Variants in PDE4D observed in about 807,000 individuals in gnomAD.
PDE4D encodes the protein phosphodiesterase 4D, also known as 3',5'-cyclic-AMP phosphodiesterase 4D.
A neutral mutation model predicts 87.4 loss-of-function variants in PDE4D; 24 were observed. The ratio of observed to expected loss-of-function variants is 0.27; its 90% CI spans 0.20 to 0.39. The LOEUF is 0.39. Ranked by LOEUF, PDE4D falls within the 10% of genes least tolerant of loss-of-function variation. The probability of loss-of-function intolerance (pLI) is 1.00; values close to 1 mark genes in which losing one functional copy is unlikely to be tolerated. For synonymous variants in PDE4D, 384 were observed against 383.2 expected (o/e 1.00, Z -0.02); for missense variants, 714 against 1,041.0 (o/e 0.69, Z 4.32).
At chr5:60,363,561 C>G (rs952579037) in intron 1 of PDE4D, among the ~76,000 whole-genome samples, 1 of 152,164 alleles carries the variant, frequency 6.6e-6, no homozygotes, top group Admixed American at 6.5e-5. Context: ...GTACTGCTTT[C>G]ACAAGGCTTA....
At chr5:60,516,286 T>A (rs1750799985) in intron 1 of PDE4D, among the ~76,000 whole-genome samples, 1 of 152,278 alleles carries the variant, frequency 6.6e-6, no homozygotes, top group Non-Finnish European at 1.5e-5. Context: ...GTTTGAGAAC[T>A]ACTGGGCTTT....
chr5:59,244,620 G>T (rs1194115314), intron 1 of PDE4D, among the ~76,000 whole-genome samples: 2 of 144,362 alleles, frequency 1.4e-5, no homozygotes, highest in African/African-American at 5.2e-5. Context: ...ACACATACAT[G>T]TATGTACATT....
chr5:59,525,510 G>A (rs995700299), intron 1 of PDE4D, among the ~76,000 whole-genome samples: 5 of 152,140 alleles, frequency 3.3e-5, no homozygotes, highest in Non-Finnish European at 4.4e-5. Flanking sequence ...TGTCTCAGTC[G>A]AGACTTTGGA....
intron 1 of PDE4D, among the ~76,000 whole-genome samples, chr5:60,436,196 C>T (rs2150124515): frequency 6.6e-6 from 1 of 152,112 alleles, no homozygotes; most frequent in South Asian, 2.1e-4. Context: ...GGAATGACAA[C>T]AATCATCCAT....
intron 1 of PDE4D, among the ~76,000 whole-genome samples, chr5:60,273,587 T>A (rs1751040502): frequency 6.6e-6 from 1 of 152,116 alleles, no homozygotes; most frequent in Non-Finnish European, 1.5e-5. Flanking sequence ...GTTAGGACAC[T>A]GTAGCAGCAA....
At chr5:60,104,396 G>A (rs1483848657) in intron 2 of PDE4D, among the ~76,000 whole-genome samples, 1 of 152,202 alleles carries the variant, frequency 6.6e-6, no homozygotes, top group Non-Finnish European at 1.5e-5. Flanking sequence ...GCTCAAGGAG[G>A]CCTGCCTGCC....
In PDE4D at chr5:59,522,305, T is replaced by A. The variant is rs373766168; in HGVS notation, c.456-306337A>T. Among the ~76,000 whole-genome samples, 43 of 152,356 alleles carry A rather than the reference T, an allele frequency of 2.8e-4. 1 individual carries two copies. The East Asian group carries it at 5.8e-3, about 20-fold the overall frequency. On this transcript the variant is annotated intron_variant, in intron 1 of 14. Transcript: ENST00000340635. ...TTGGAGAGGAATTTTAAAACAAGTC[T>A]TATGAATCATGGTAAATACCCTTAC...
At position 59,357,188 on chromosome 5, in the gene PDE4D, A is replaced by AAC. The variant is rs753176024; in HGVS notation, c.456-141222_456-141221dup. 6.8e-4 allele frequency among the ~76,000 whole-genome samples: 103 copies of AAC among 152,178 alleles called. 2 individuals carry two copies. Among genetic ancestry groups the AAC allele is most frequent in the Non-Finnish European group, 6.2e-4 (42 of 67,988 alleles). ...GTCACATGCCACTCCTGAAAAGCACAACACACACACACGCATGCACACACA... is the reference window on the plus strand; with the variant it reads ...GTCACATGCCACTCCTGAAAAGCACAACACACACACACACGCATGCACACACA... On this transcript the variant is annotated intron_variant, in intron 1 of 14. Coordinates refer to ENST00000340635, the MANE Select transcript of PDE4D (RefSeq NM_001104631.2).
chr5:59,370,474 A>G (rs1783772020), intron 1 of PDE4D, among the ~76,000 whole-genome samples: 1 of 152,190 alleles, frequency 6.6e-6, no homozygotes, highest in African/African-American at 2.4e-5. Context: ...TTCCTTTGGA[A>G]AAATGCATAA....
chr5:60,376,812 C>A (rs148271431), intron 1 of PDE4D, among the ~76,000 whole-genome samples: 1 of 152,214 alleles, frequency 6.6e-6, no homozygotes, highest in Non-Finnish European at 1.5e-5. Context: ...TGGAAACTTT[C>A]TCTTCCGCCT....
intron 1 of PDE4D, among the ~76,000 whole-genome samples, chr5:60,405,739 C>T (rs1741472785): frequency 6.6e-6 from 1 of 152,130 alleles, no homozygotes; most frequent in African/African-American, 2.4e-5. Context: ...AGATACTTTA[C>T]CAAGGTTATT....
At chr5:59,087,440 T>C (rs10074406) in intron 5 of PDE4D, among the ~76,000 whole-genome samples, 8,337 of 152,150 alleles carry the variant, frequency 0.055, 765 homozygotes, top group African/African-American at 0.19. Context: ...GAGCCATGAT[T>C]GCCACTGCTC....
intron 2 of PDE4D, among the ~76,000 whole-genome samples, chr5:60,166,149 C>A (rs1782879017): frequency 6.6e-6 from 1 of 152,146 alleles, no homozygotes; most frequent in East Asian, 1.9e-4. Flanking sequence ...GGCTGGAGTG[C>A]AGTGGCACGA....
chr5:60,291,719 C>T (rs1752913965), intron 1 of PDE4D, among the ~76,000 whole-genome samples: 1 of 151,848 alleles, frequency 6.6e-6, no homozygotes, highest in South Asian at 2.1e-4. Context: ...AGGCTAGCAA[C>T]TGGGCAGTGA....
chr5:59,008,658 T>C (rs1252460504), intron 6 of PDE4D, among the ~76,000 whole-genome samples: 1 of 151,994 alleles, frequency 6.6e-6, no homozygotes, highest in Non-Finnish European at 1.5e-5. Context: ...CAGTAGAAAG[T>C]AGTTGTGATC....
chr5:60,427,074 A>G (rs73108654), intron 1 of PDE4D, among the ~76,000 whole-genome samples: 21,303 of 152,134 alleles, frequency 0.14, 1,578 homozygotes, highest in African/African-American at 0.17. Flanking sequence ...GTAGGACAAT[A>G]CCAAATAGTC....
intron 5 of PDE4D, among the ~76,000 whole-genome samples, chr5:59,099,003 T>C (rs1191747967): frequency 6.6e-6 from 1 of 152,186 alleles, no homozygotes; most frequent in Non-Finnish European, 1.5e-5. Flanking sequence ...CATCAATCTC[T>C]TAGAAAGCCT....
intron 11 of PDE4D, among the ~76,000 whole-genome samples, chr5:58,983,278 CAT>C (rs1745656056): frequency 6.6e-6 from 1 of 152,250 alleles, no homozygotes; most frequent in African/African-American, 2.4e-5. Flanking sequence ...CATGCGACCA[CAT>C]GTGTAGGCTG....
chr5:59,167,678 T>A (rs1373080066), intron 5 of PDE4D, among the ~76,000 whole-genome samples: 3 of 152,204 alleles, frequency 2.0e-5, no homozygotes, highest in Non-Finnish European at 4.4e-5. Flanking sequence ...CTCTCTTCTT[T>A]ATTTTACTTA....
Sources: allele counts gnomAD v4.1 joint callset (sites outside exome capture counted in the v4.1 genomes callset), GRCh38; gene constraint gnomAD v4.1.1; transcripts MANE v1.5; gene names NCBI Gene and HGNC (gene_info 2026-07-23, HGNC 2026-07-21).